Variants in RAB13 observed in about 807,000 individuals in gnomAD.
RAB13 encodes ras-related protein Rab-13.
Under a neutral mutation model 29.3 loss-of-function variants are expected in RAB13, and 15 were observed. That is an observed-to-expected ratio of 0.51 (90% confidence interval 0.34 to 0.79). The LOEUF (loss-of-function observed/expected upper bound fraction) is 0.79. RAB13 is among the 30% of genes least tolerant of loss of function. RAB13 has a pLI of 0.01. For synonymous variants in RAB13, 82 were observed against 93.8 expected (o/e 0.87, Z 0.73); for missense variants, 186 against 255.5 (o/e 0.73, Z 1.85).
upstream of RAB13, among the ~76,000 whole-genome samples, chr1:153,988,425 C>A (rs190263830): frequency 3.3e-4 from 49 of 148,584 alleles, no homozygotes; most frequent in African/African-American, 1.1e-3. Flanking sequence ...TCCTGAGTAG[C>A]TGGGACTACA....
chr1:153,986,273 C>T lies in RAB13; in HGVS notation c.-37G>A, dbSNP rs762425192. On this transcript the variant is annotated 5_prime_UTR_variant, in exon 1 of 8. Coordinates refer to ENST00000368575, the MANE Select transcript of RAB13 (RefSeq NM_002870.5). ...GGGGAGCCGGGGGAGGGGTGGGGAG[C>T]GCCCGGCACTGGTAGGCGGGACTGG... is the stretch of plus-strand genomic sequence containing the variant. 1.3e-6 allele frequency: 2 copies of T among 1,572,714 alleles called. No individual in the cohort carries two copies. Among genetic ancestry groups the T allele is most frequent in the African/African-American group, 1.3e-5 (1 of 74,250 alleles).
Position 153,982,450 on chromosome 1 carries a change from G to C in RAB13, c.481-6C>G, listed in dbSNP as rs1486716897. Reference sequence around the variant, plus strand: ...CGGGCCAGGGAACTAAAAGCCTAAAGTGGGGAACAGAGTCAGTTTGGAGGG... The same window carrying C: ...CGGGCCAGGGAACTAAAAGCCTAAACTGGGGAACAGAGTCAGTTTGGAGGG... On this transcript the variant is annotated splice_polypyrimidine_tract_variant and splice_region_variant and intron_variant, in intron 6 of 7. Transcript: ENST00000368575. The C allele has an allele frequency of 6.2e-7, 1 of 1,613,622 alleles. No individual in the cohort carries two copies. Among genetic ancestry groups the C allele is most frequent in the East Asian group, 2.2e-5 (1 of 44,882 alleles).
chr1:153,984,761 T>A lies in RAB13; in HGVS notation c.145A>T (p.Thr49Ser). 1 of 1,613,428 alleles carries A rather than the reference T, an allele frequency of 6.2e-7. No individual in the cohort carries two copies. Among genetic ancestry groups the A allele is most frequent in the African/African-American group, 1.3e-5 (1 of 75,010 alleles). Reference sequence around the variant, plus strand: ...ATCTTCTTCCCCTCTATATCCACAGTGCGGATCTTGAAATCAATTCCTAGG... The same window carrying A: ...ATCTTCTTCCCCTCTATATCCACAGAGCGGATCTTGAAATCAATTCCTAGG... ...STIGIDFKIR[T>S]VDIEGKKIKL... The change falls in exon 2 of 8, where the codon ACT becomes TCT. Residue 49 changes from threonine to serine, a missense_variant. Transcript: ENST00000368575.
At position 153,981,722 on chromosome 1, in the gene RAB13, T is replaced by G. The variant is rs1047732812; in HGVS notation, c.*377A>C. The G allele has an allele frequency of 8.0e-6, 2 of 250,004 alleles. No homozygotes were observed. The highest frequency in any genetic ancestry group is 1.6e-5 in the Non-Finnish European group (2 of 127,538). 15.5% of individuals were successfully genotyped at this position (250,004 alleles called of 1,614,324 possible). A position where few individuals can be genotyped will look rare whatever the true frequency, so the allele number is the denominator to read the frequency against. ...GACAGAACAGGAGCAAATTCCCTAG[T>G]GTAGTGCCGAGCTAGCCTTTTGCAG... On this transcript the variant is annotated 3_prime_UTR_variant, in exon 8 of 8. Coordinates refer to ENST00000368575, the MANE Select transcript of RAB13 (RefSeq NM_002870.5).
At chr1:153,987,708 C>A (rs963034832), upstream of RAB13, among the ~76,000 whole-genome samples, 1 of 136,866 alleles carries the variant, frequency 7.3e-6, no homozygotes, top group African/African-American at 2.7e-5. Flanking sequence ...GGGAGGCCAA[C>A]GTGAGAGGAT....
intron 1 of RAB13, 21 bp from the exon 2 acceptor site, chr1:153,984,802 C>T (rs754360029): frequency 6.2e-7 from 1 of 1,608,174 alleles, no homozygotes; most frequent in South Asian, 1.1e-5. Context: ...AAGGTATGCA[C>T]TGAAGTTGAG....
At position 153,983,029 on chromosome 1, in the gene RAB13, G is replaced by A. The variant is rs1303265425; in HGVS notation, c.324+190C>T. The A allele has an allele frequency of 4.1e-6, 3 of 730,484 alleles. No homozygotes were observed. In the African/African-American group the frequency reaches 5.3e-5, roughly 13 times the overall value. The allele number at this position is 730,484 out of a possible 1,614,324, so 45.3% of individuals were successfully genotyped here. On this transcript the variant is annotated intron_variant, in intron 4 of 7. Coordinates refer to ENST00000368575, the MANE Select transcript of RAB13 (RefSeq NM_002870.5). ...AATCCCAGCTACTTGGGAGGCTGAG[G>A]CAGGAAAATCGTTTGAACCTGGGAG... is the stretch of plus-strand genomic sequence containing the variant.
At chr1:153,987,968 T>TTTG (rs143488449), upstream of RAB13, among the ~76,000 whole-genome samples, 1,227 of 151,614 alleles carry the variant, frequency 8.1e-3, 14 homozygotes, top group African/African-American at 0.028. Context: ...CAAAAAAATT[T>TTTG]TTTATTTATT....
intron 1 of RAB13, 171 bp downstream of exon 1, chr1:153,985,942 T>C (rs1278343495): frequency 8.5e-7 from 1 of 1,172,026 alleles, no homozygotes; most frequent in Non-Finnish European, 1.2e-6. Flanking sequence ...GTGAGAGGTT[T>C]GGTTACTATA....
At chr1:153,989,131 C>T (rs1463061495), upstream of RAB13, among the ~76,000 whole-genome samples, 69 of 136,792 alleles carry the variant, frequency 5.0e-4, 2 homozygotes, top group Middle Eastern at 7.5e-3. Flanking sequence ...GGGGTTTCAC[C>T]ATGTTGGCCA....
upstream of RAB13, among the ~76,000 whole-genome samples, chr1:153,987,112 A>G (rs1359345055): frequency 6.6e-6 from 1 of 152,178 alleles, no homozygotes; most frequent in Non-Finnish European, 1.5e-5. Context: ...ATCTTTTAAT[A>G]TGGCCCACTT....
upstream of RAB13, among the ~76,000 whole-genome samples, chr1:153,989,915 A>T (rs1176344525): frequency 6.6e-6 from 1 of 151,144 alleles, no homozygotes; most frequent in South Asian, 2.1e-4. Context: ...AAATAAAAAT[A>T]AAAAAAAAGA....
At position 153,982,127 on chromosome 1, in the gene RAB13, T is replaced by C. The variant is rs1648994027; in HGVS notation, c.584A>G (p.Lys195Arg). Residue 195 changes from lysine to arginine, a missense_variant, in exon 8 of 8, where the codon AAG (lysine) becomes AGG (arginine). Physicochemically the swap from Lys to Arg is conservative, Grantham distance 26 (BLOSUM62 2). Coordinates refer to ENST00000368575, the MANE Select transcript of RAB13 (RefSeq NM_002870.5). ...PSTDLKTCDK[K>R]NTNKCSLG ...GCCCAGGGAGCACTTGTTGGTGTTC[T>C]TCTTGTCACAAGTTTTCAGGTCAGT... The C allele has an allele frequency of 6.2e-7, 1 of 1,613,812 alleles. No individual in the cohort carries two copies. The highest frequency in any genetic ancestry group is 8.5e-7 in the Non-Finnish European group (1 of 1,180,022).
intron 1 of RAB13, chr1:153,985,115 G>C (rs1214574245): frequency 9.4e-7 from 1 of 1,063,502 alleles, no homozygotes; most frequent in Non-Finnish European, 1.1e-6. Flanking sequence ...TCTCCCCCCA[G>C]ATATTACTTT....
Position 153,982,432 on chromosome 1 carries a change from G to A in RAB13, c.493C>T (p.Leu165=). 6.2e-7 allele frequency: 1 copy of A among 1,613,976 alleles called. No individual in the cohort carries two copies. The highest frequency in any genetic ancestry group is 1.1e-5 in the South Asian group (1 of 91,070). Residue 165 remains leucine (L), a synonymous_variant, in exon 7 of 8, where the codon CTG becomes TTG. Coordinates refer to ENST00000368575, the MANE Select transcript of RAB13 (RefSeq NM_002870.5). ...SMNVDEAFSS[L]ARDILLKSGG... Reference sequence around the variant, plus strand: ...GACTTGAGCAAGATGTCCCGGGCCAGGGAACTAAAAGCCTAAAGTGGGGAA... The same window carrying A: ...GACTTGAGCAAGATGTCCCGGGCCAAGGAACTAAAAGCCTAAAGTGGGGAA...
At chr1:153,988,840 G>T (rs1178259383), upstream of RAB13, among the ~76,000 whole-genome samples, 1 of 148,982 alleles carries the variant, frequency 6.7e-6, no homozygotes, top group Non-Finnish European at 1.5e-5. Context: ...TCGAACTCCC[G>T]ACCTCAGGTG....
chr1:153,990,151 C>T (rs938389643), upstream of RAB13, among the ~76,000 whole-genome samples: 1 of 149,956 alleles, frequency 6.7e-6, no homozygotes, highest in South Asian at 2.1e-4. Flanking sequence ...ACTGTACTTC[C>T]GCCTCCCAGG....
chr1:153,983,847 T>C (rs1027775543), intron 2 of RAB13, among the ~76,000 whole-genome samples: 1 of 152,138 alleles, frequency 6.6e-6, no homozygotes, highest in African/African-American at 2.4e-5. Context: ...CCTTACTCTT[T>C]CCTTGTAAGA....
upstream of RAB13, among the ~76,000 whole-genome samples, chr1:153,988,545 C>T (rs1412457221): frequency 1.3e-5 from 2 of 149,660 alleles, 1 homozygote; most frequent in Non-Finnish European, 3.0e-5. Flanking sequence ...CCCGCCTTGG[C>T]CTCCCAAAGT....
Sources: gnomAD v4.1 joint callset for allele counts (sites outside exome capture counted in the v4.1 genomes callset) on GRCh38, gnomAD v4.1.1 for gene constraint, MANE v1.5 for transcripts, NCBI Gene and HGNC (gene_info 2026-07-23, HGNC 2026-07-21) for gene names.